Variants in DOCK1 observed in about 807,000 individuals in gnomAD.
DOCK1 encodes dedicator of cytokinesis 1, also known as dedicator of cytokinesis protein 1.
DOCK1 carries 138 observed loss-of-function variants against 262.7 expected under a neutral mutation model. The observed-to-expected ratio is 0.53, with a 90% confidence interval of 0.46 to 0.61. The LOEUF is 0.61. Among genes scored for constraint, DOCK1 ranks in the 20% least tolerant of loss-of-function variants. The pLI, the probability that DOCK1 is intolerant of heterozygous loss-of-function variation, is 0.00. For missense variants in DOCK1, 1,908 were observed against 2,370.7 expected, an observed-to-expected ratio of 0.80 and a Z score of 4.05; for synonymous variants, 866 against 867.4, an observed-to-expected ratio of 1.00 and a Z score of 0.03.
rs1032778704 is a variant in DOCK1, at chr10:127,397,700, C to G, written c.3928-5355C>G. ...CTGCATGACACAGGTAGTAGCTCCTCTATGACCCGGGCAGCGACTCCTGTG... is the reference window on the plus strand; with the variant it reads ...CTGCATGACACAGGTAGTAGCTCCTGTATGACCCGGGCAGCGACTCCTGTG... On this transcript the variant is annotated intron_variant, in intron 38 of 51. Transcript: ENST00000623213. 1.5e-4 allele frequency among the ~76,000 whole-genome samples: 23 copies of G among 151,410 alleles called. 1 individual carries two copies. The highest frequency in any genetic ancestry group is 5.1e-4 in the African/African-American group (21 of 41,110).
At chr10:127,085,987 T>C (rs1164657805) in intron 23 of DOCK1, among the ~76,000 whole-genome samples, 1 of 152,158 alleles carries the variant, frequency 6.6e-6, no homozygotes, top group African/African-American at 2.4e-5. Context: ...CTTTGGTGAT[T>C]TTATTCATAC....
At chr10:127,199,972 A>G (rs1212323865) in intron 27 of DOCK1, among the ~76,000 whole-genome samples, 1 of 152,202 alleles carries the variant, frequency 6.6e-6, no homozygotes, top group Non-Finnish European at 1.5e-5. Context: ...CAAACTAGCA[A>G]CTGCAGAAGA....
At chr10:126,950,659 C>A (rs965006209) in intron 1 of DOCK1, among the ~76,000 whole-genome samples, 1 of 152,098 alleles carries the variant, frequency 6.6e-6, no homozygotes, top group African/African-American at 2.4e-5. Flanking sequence ...CAGAGCAAGG[C>A]CACATGATGC....
chr10:127,093,242 C>CTTTTTTTTTTTTTT (rs200302331), intron 23 of DOCK1, among the ~76,000 whole-genome samples: 2 of 79,340 alleles, frequency 2.5e-5, no homozygotes, highest in African/African-American at 6.7e-5. Flanking sequence ...TTTCTTTCTT[C>CTTTTTTTTTTTTTT]TTTTTTTTTT....
At chr10:126,997,523 T>C (rs1220206434) in intron 7 of DOCK1, among the ~76,000 whole-genome samples, 1 of 151,954 alleles carries the variant, frequency 6.6e-6, no homozygotes, top group Non-Finnish European at 1.5e-5. Context: ...CGCTACACTT[T>C]TAAACGACGA....
chr10:127,409,101 T>G lies in DOCK1; in HGVS notation c.4187T>G (p.Leu1396Ter). Reference protein sequence around the residue: ...ERREDFEARLLTQFPNAEKMK... With the variant: ...ERREDFEARL ...CGGGAAGATTTTGAGGCTCGGCTCTTAACTCAGTTTCCAAACGCCGAGAAA... is the reference window on the plus strand; with the variant it reads ...CGGGAAGATTTTGAGGCTCGGCTCTGAACTCAGTTTCCAAACGCCGAGAAA... Residue 1396 changes from leucine (L) to a stop codon, truncating the protein, a stop_gained, in exon 41 of 52, where the codon TTA (leucine) becomes TGA (stop). Transcript: ENST00000623213. LOFTEE classifies it high-confidence loss of function. The G allele has an allele frequency of 6.2e-7, 1 of 1,607,118 alleles. No homozygotes were observed. The highest frequency in any genetic ancestry group is 8.5e-7 in the Non-Finnish European group (1 of 1,176,442).
intron 32 of DOCK1, among the ~76,000 whole-genome samples, chr10:127,359,206 A>G (rs2064291583): frequency 6.6e-6 from 1 of 151,870 alleles, no homozygotes; most frequent in African/African-American, 2.4e-5. Flanking sequence ...CTTGGGGACC[A>G]CTGGTTTACG....
intron 16 of DOCK1, 131 bp from the exon 17 acceptor site, chr10:127,031,519 G>T: frequency 1.6e-6 from 1 of 632,204 alleles, no homozygotes; most frequent in South Asian, 2.1e-5. Flanking sequence ...ATATTTATTA[G>T]ATTAGCTTTA....
rs766884070 is a variant in DOCK1, at chr10:127,176,748, G to A, written c.2847+48984G>A. ...CTTTGCAAATTATCTTTTCACACGC[G>A]TGACTCCCCTTCTTAGGCAGATGGT... On this transcript the variant is annotated intron_variant, in intron 27 of 51. Coordinates refer to ENST00000623213, the MANE Select transcript of DOCK1 (RefSeq NM_001290223.2). The surrounding 1 kb of genome is among the most constrained non-coding windows in gnomAD (Gnocchi z 4.4). 3.5e-5 allele frequency: 7 copies of A among 197,792 alleles called. No homozygotes were observed. Among genetic ancestry groups the A allele is most frequent in the Admixed American group, 2.8e-4 (5 of 18,152 alleles). The allele number at this position is 197,792 out of a possible 1,614,324, so 12.3% of individuals were successfully genotyped here. A position where few individuals can be genotyped will look rare whatever the true frequency, so the allele number is the denominator to read the frequency against.
rs117544090 is a variant in DOCK1, at chr10:127,368,213, C to T, written c.3433-5568C>T. Among the ~76,000 whole-genome samples, 61 of 152,360 alleles carry T rather than the reference C, an allele frequency of 4.0e-4. No homozygotes were observed. In the East Asian group the frequency reaches 0.012, roughly 29 times the overall value. On this transcript the variant is annotated intron_variant, in intron 33 of 51. Coordinates refer to ENST00000623213, the MANE Select transcript of DOCK1 (RefSeq NM_001290223.2). ...CCAGAGCCAGCTCTGTCAAGCTGAC[C>T]TAAGGCACTCACTGCAGCTCCTCAA...
intron 23 of DOCK1, among the ~76,000 whole-genome samples, chr10:127,067,722 C>A (rs554967442): frequency 6.6e-6 from 1 of 152,056 alleles, no homozygotes; most frequent in Non-Finnish European, 1.5e-5. Context: ...ACTAATGGAT[C>A]TCAACCTGCA....
chr10:126,920,063 G>A (rs2033025647), intron 1 of DOCK1, among the ~76,000 whole-genome samples: 1 of 152,192 alleles, frequency 6.6e-6, no homozygotes, highest in African/African-American at 2.4e-5. Context: ...CACCCCGGCT[G>A]TGGGAAGCAC....
chr10:126,990,915 C>G (rs1591555585), intron 6 of DOCK1, among the ~76,000 whole-genome samples: 1 of 152,262 alleles, frequency 6.6e-6, no homozygotes, highest in African/African-American at 2.4e-5. Flanking sequence ...TACTTTCTGA[C>G]CATAGTTTTT....
At position 127,018,771 on chromosome 10, in the gene DOCK1, G is replaced by A. The variant is rs780137538; in HGVS notation, c.1263G>A (p.Pro421=). The A allele has an allele frequency of 4.2e-5, 68 of 1,613,850 alleles. No individual in the cohort carries two copies. Among genetic ancestry groups the A allele is most frequent in the Non-Finnish European group, 5.3e-5 (63 of 1,179,906 alleles). ...TCCATCAGATCCGAAAAGAGTTTCC[G>A]CATTTAGTGGACAGGACCACAGCTG... ...GDIHQIRKEF[P]HLVDRTTAVA... Residue 421 remains proline (P), a synonymous_variant, in exon 13 of 52, where the codon CCG becomes CCA. Coordinates refer to ENST00000623213, the MANE Select transcript of DOCK1 (RefSeq NM_001290223.2).
At chr10:127,137,762 T>C in intron 27 of DOCK1, 1 of 1,401,712 alleles carries the variant, frequency 7.1e-7, no homozygotes, top group South Asian at 1.4e-5. Context: ...CTCGATCCTA[T>C]TCATTTTGGA....
At chr10:127,082,654 T>G (rs2046972459) in intron 23 of DOCK1, among the ~76,000 whole-genome samples, 1 of 151,066 alleles carries the variant, frequency 6.6e-6, no homozygotes, top group African/African-American at 2.4e-5. Flanking sequence ...GCAATTTGGG[T>G]GGGGAGACAG....
intron 1 of DOCK1, among the ~76,000 whole-genome samples, chr10:126,949,723 T>G (rs2036021644): frequency 6.6e-6 from 1 of 152,178 alleles, no homozygotes; most frequent in Non-Finnish European, 1.5e-5. Context: ...ATATTTCACC[T>G]AAAAAGGACT....
At chr10:127,309,961 C>T (rs2062005057) in intron 29 of DOCK1, among the ~76,000 whole-genome samples, 1 of 151,920 alleles carries the variant, frequency 6.6e-6, no homozygotes, top group African/African-American at 2.4e-5. Flanking sequence ...CTGCAGCCTC[C>T]ACCTCCCAGG....
At chr10:127,331,344 G>A (rs1245055696) in intron 29 of DOCK1, among the ~76,000 whole-genome samples, 13 of 152,038 alleles carry the variant, frequency 8.6e-5, no homozygotes, top group African/African-American at 3.1e-4. Flanking sequence ...GTGCAGCGGC[G>A]CGATCCAGCT....
Sources: gnomAD v4.1 joint callset for allele counts (sites outside exome capture counted in the v4.1 genomes callset) on GRCh38, gnomAD v4.1.1 for gene constraint, Gnocchi (gnomAD v3.1) non-coding constraint, MANE v1.5 for transcripts, NCBI Gene and HGNC (gene_info 2026-07-23, HGNC 2026-07-21) for gene names.